Variants in TCEA1 observed in about 807,000 individuals in gnomAD.
TCEA1 encodes transcription elongation factor A protein 1.
Under a neutral mutation model 43.8 loss-of-function variants are expected in TCEA1, and 21 were observed. The observed-to-expected ratio is 0.48, with a 90% CI of 0.34 to 0.69. The LOEUF is 0.69. Among genes scored for constraint, TCEA1 ranks in the 30% least tolerant of loss-of-function variants. TCEA1 has a pLI of 0.01. For synonymous variants in TCEA1, 104 were observed against 117.5 expected (o/e 0.88, Z 0.75); for missense variants, 250 against 365.1 (o/e 0.68, Z 2.57).
intron 3 of TCEA1, among the ~76,000 whole-genome samples, chr8:53,998,729 C>T (rs1334849534): frequency 1.3e-5 from 2 of 152,036 alleles, no homozygotes; most frequent in African/African-American, 4.8e-5. Context: ...ATTTCCTACA[C>T]AGGTGATAAT....
chr8:53,996,268 T>C (rs7464767), intron 3 of TCEA1, among the ~76,000 whole-genome samples: 58,552 of 152,138 alleles, frequency 0.38, 15,990 homozygotes, highest in East Asian at 0.74. Flanking sequence ...GGCAACACAG[T>C]CCAGCTAGCT....
intron 8 of TCEA1, chr8:53,972,097 G>A: frequency 3.8e-6 from 1 of 266,280 alleles, no homozygotes. Flanking sequence ...AAGACAAGAA[G>A]AGAAATGCAA....
At chr8:54,003,467 A>C (rs1260211821) in intron 2 of TCEA1, among the ~76,000 whole-genome samples, 1 of 152,242 alleles carries the variant, frequency 6.6e-6, no homozygotes, top group Non-Finnish European at 1.5e-5. Flanking sequence ...ATAGTAACCA[A>C]GATAGCATAG....
chr8:54,002,552 T>C (rs1350402496), intron 2 of TCEA1, among the ~76,000 whole-genome samples: 3 of 149,026 alleles, frequency 2.0e-5, no homozygotes, highest in African/African-American at 7.4e-5. Flanking sequence ...TTTTTTCCTT[T>C]GGGGGTACCA....
chr8:53,973,079 A>G, intron 8 of TCEA1: 1 of 664,464 alleles, frequency 1.5e-6, no homozygotes, highest in Admixed American at 1.8e-5. Flanking sequence ...AAGACTACTT[A>G]GCTTCCTCTA....
chr8:54,009,467 T>C (rs927421300), intron 2 of TCEA1, among the ~76,000 whole-genome samples: 4 of 152,146 alleles, frequency 2.6e-5, no homozygotes, highest in African/African-American at 9.7e-5. Flanking sequence ...TTAATGTATA[T>C]ACACAATGAA....
At chr8:54,018,870 G>A (rs537397786) in intron 1 of TCEA1, among the ~76,000 whole-genome samples, 13 of 152,186 alleles carry the variant, frequency 8.5e-5, no homozygotes, top group Non-Finnish European at 1.6e-4. Context: ...TGGTTCAAGA[G>A]CAGATGCAAG....
chr8:54,001,645 A>G (rs1586022874), intron 2 of TCEA1, among the ~76,000 whole-genome samples: 1 of 152,278 alleles, frequency 6.6e-6, no homozygotes. Flanking sequence ...ATAAAATGGC[A>G]CTTTACTAGG....
intron 1 of TCEA1, among the ~76,000 whole-genome samples, chr8:54,021,334 C>CA (rs551909240): frequency 1.4e-4 from 21 of 151,970 alleles, no homozygotes; most frequent in African/African-American, 3.4e-4. Flanking sequence ...TCATCAATAA[C>CA]AAAAAAAATG....
chr8:54,021,539 A>G (rs572937189), intron 1 of TCEA1: 18 of 151,870 alleles, frequency 1.2e-4, no homozygotes, highest in African/African-American at 3.9e-4. Context: ...TTTAATCGCT[A>G]AGCAAACATG....
intron 7 of TCEA1, among the ~76,000 whole-genome samples, chr8:53,982,518 G>GA (rs34269090): frequency 6.8e-6 from 1 of 146,170 alleles, no homozygotes; most frequent in Non-Finnish European, 1.5e-5. Flanking sequence ...TAAGGCAGGA[G>GA]AATCGCTTGA....
chr8:54,019,602 A>G (rs946842979), intron 1 of TCEA1, among the ~76,000 whole-genome samples: 20 of 152,092 alleles, frequency 1.3e-4, no homozygotes, highest in African/African-American at 4.6e-4. Flanking sequence ...TTTTCATAAT[A>G]TAAAACATTA....
rs1803014380 is a variant in TCEA1, at chr8:53,967,264, A to G, written c.*840T>C. On this transcript the variant is annotated 3_prime_UTR_variant, in exon 10 of 10. Coordinates refer to ENST00000521604, the MANE Select transcript of TCEA1 (RefSeq NM_006756.4). ...GCTATACTACACTAAGATGCTAAAC[A>G]TTTTCTTTCCAGTATGTCTTCCTAA... is the stretch of plus-strand genomic sequence containing the variant. 1 of 203,120 alleles carries G rather than the reference A, an allele frequency of 4.9e-6. No homozygotes were observed. The highest frequency in any genetic ancestry group is 1.0e-5 in the Non-Finnish European group (1 of 98,744). The allele number at this position is 203,120 out of a possible 1,614,324, so 12.6% of individuals were successfully genotyped here. A position where few individuals can be genotyped will look rare whatever the true frequency, so the allele number is the denominator to read the frequency against.
At chr8:53,983,387 A>G (rs2129302074) in intron 7 of TCEA1, among the ~76,000 whole-genome samples, 1 of 152,350 alleles carries the variant, frequency 6.6e-6, no homozygotes, top group South Asian at 2.1e-4. Flanking sequence ...AATGTTCACT[A>G]AAACGTTGAA....
In TCEA1 at chr8:54,000,405, T is replaced by C. The variant is rs1804219860; in HGVS notation, c.127-355A>G. Among the ~76,000 whole-genome samples, 3 of 152,218 alleles carry C rather than the reference T, an allele frequency of 2.0e-5. No homozygotes were observed. The South Asian group carries it at 6.2e-4, about 32-fold the overall frequency. On this transcript the variant is annotated intron_variant, in intron 2 of 9. Transcript: ENST00000521604. ...GGCTGAAGCAATCATGACTAATACA[T>C]GCATTTCTTTGTTTCTATACATTCC...
chr8:53,977,756 G>A (rs574216864), intron 8 of TCEA1, among the ~76,000 whole-genome samples: 3 of 152,174 alleles, frequency 2.0e-5, no homozygotes, highest in East Asian at 1.9e-4. Context: ...ACTATAACAC[G>A]GTTTTCAGCT....
At chr8:53,995,460 AAAAAACAAAAC>A (rs977714474) in intron 3 of TCEA1, among the ~76,000 whole-genome samples, 8 of 152,148 alleles carry the variant, frequency 5.3e-5, no homozygotes, top group African/African-American at 1.4e-4. Flanking sequence ...CCTGTCTCAA[AAAAAACAAAAC>A]AAAAACAAAA....
chr8:53,978,513 T>C (rs1397941770), intron 8 of TCEA1: 3 of 153,272 alleles, frequency 2.0e-5, no homozygotes, highest in Admixed American at 1.9e-4. Flanking sequence ...GTCACTGTAA[T>C]GCTACCTACC....
chr8:53,975,493 G>C (rs1467166807), intron 8 of TCEA1, among the ~76,000 whole-genome samples: 1 of 151,988 alleles, frequency 6.6e-6, no homozygotes, highest in Non-Finnish European at 1.5e-5. Context: ...AGGAACCCAA[G>C]TGTCCATCAA....
Sources: allele counts gnomAD v4.1 joint callset (sites outside exome capture counted in the v4.1 genomes callset), GRCh38; gene constraint gnomAD v4.1.1; transcripts MANE v1.5; gene names NCBI Gene and HGNC (gene_info 2026-07-23, HGNC 2026-07-21).